The following DPH7 variants were observed in gnomAD, a reference collection of about 807,000 sequenced individuals.
DPH7 encodes the protein diphthamide biosynthesis 7.
DPH7 carries 44 observed loss-of-function variants against 41.7 expected under a neutral mutation model. The ratio of observed to expected loss-of-function variants is 1.05; its 90% CI spans 0.83 to 1.36. DPH7 has a LOEUF of 1.36. Ranked by LOEUF, DPH7 falls within the 40% of genes most tolerant of loss-of-function variation. DPH7 has a pLI of 0.00. For synonymous variants in DPH7, 275 were observed against 238.0 expected, an observed-to-expected ratio of 1.16 and a Z score of -1.43; for missense variants, 629 against 577.5, an observed-to-expected ratio of 1.09 and a Z score of -0.91.
In DPH7 at chr9:137,558,072, G is replaced by A. The variant is rs1448458903; in HGVS notation, c.950-2424C>T. On this transcript the variant is annotated intron_variant, in intron 8 of 8. Coordinates refer to ENST00000277540, the MANE Select transcript of DPH7 (RefSeq NM_138778.5). ...AGTTGCTTGAACCCGGAAGGTGGGA[G>A]TTGCAGTGAGCTGAGATTGTGCCAT... Among the ~76,000 whole-genome samples, 7 of 152,284 alleles carry A rather than the reference G, an allele frequency of 4.6e-5. No individual in the cohort carries two copies. The South Asian group carries it at 1.5e-3, about 32-fold the overall frequency.
At chr9:137,575,626 G>A (rs763466625) in intron 3 of DPH7, 132 of 1,009,526 alleles carry the variant, frequency 1.3e-4, no homozygotes, top group Non-Finnish European at 1.2e-4. Flanking sequence ...TCTCCTCCCC[G>A]ACAGCTATCA....
At chr9:137,578,578 C>T in intron 1 of DPH7, 47 bp downstream of exon 1, 1 of 1,429,700 alleles carries the variant, frequency 7.0e-7, no homozygotes, top group Non-Finnish European at 9.1e-7. Flanking sequence ...CGGCCTCAAC[C>T]TCGTGGCCGG....
Position 137,556,023 on chromosome 9 carries a change from A to G in DPH7, c.950-375T>C, listed in dbSNP as rs1837447075. Among the ~76,000 whole-genome samples the G allele has an allele frequency of 6.6e-6, 1 of 152,222 alleles. No homozygotes were observed. The highest frequency in any genetic ancestry group is 1.5e-5 in the Non-Finnish European group (1 of 68,042). Reference sequence around the variant, plus strand: ...AGGGGATGTCTGAGGAACAGGCAGCATGTGTACAGCAGAGGTGAGAAAGTC... The same window carrying G: ...AGGGGATGTCTGAGGAACAGGCAGCGTGTGTACAGCAGAGGTGAGAAAGTC... On this transcript the variant is annotated intron_variant, in intron 8 of 8. Coordinates refer to ENST00000277540, the MANE Select transcript of DPH7 (RefSeq NM_138778.5). This position sits in a 1 kb window ranked among gnomAD's most constrained non-coding sequence, Gnocchi z 5.2.
chr9:137,578,867 G>T lies in DPH7; in HGVS notation c.-90C>A, dbSNP rs985481765. 4.7e-6 allele frequency: 6 copies of T among 1,282,870 alleles called. No homozygotes were observed. The African/African-American group carries it at 7.8e-5, about 17-fold the overall frequency. The allele number at this position is 1,282,870 out of a possible 1,614,324, so 79.5% of individuals were successfully genotyped here. The stretch of plus-strand genomic sequence containing the variant: ...TGCGCGGGGCGGCGAGGCCGGGGCC[G>T]GCCGGACGAGCGCAGAGCCCCAGGG... On this transcript the variant is annotated 5_prime_UTR_variant, in exon 1 of 9. Coordinates refer to ENST00000277540, the MANE Select transcript of DPH7 (RefSeq NM_138778.5).
intron 8 of DPH7, among the ~76,000 whole-genome samples, chr9:137,563,076 T>C (rs995022102): frequency 7.9e-5 from 12 of 151,516 alleles, no homozygotes; most frequent in African/African-American, 2.9e-4. Context: ...CCCCAGGAGG[T>C]TGAGGCTGCA....
rs531003261 is a variant in DPH7, at chr9:137,571,246, G to C, written c.640+2962C>G. Reference sequence around the variant, plus strand: ...TCTCTCGCCAGGCTGGAGTGCAGTGGTGCGATCTCGGCTCACTGCAACCTC... The same window carrying C: ...TCTCTCGCCAGGCTGGAGTGCAGTGCTGCGATCTCGGCTCACTGCAACCTC... On this transcript the variant is annotated intron_variant, in intron 5 of 8. Transcript: ENST00000277540. Among the ~76,000 whole-genome samples the C allele has an allele frequency of 2.2e-4, 34 of 152,078 alleles. No homozygotes were observed. In the South Asian group the frequency reaches 6.9e-3, roughly 31 times the overall value.
intron 3 of DPH7, chr9:137,575,606 ACATCCCCGTTCTCCT>A: frequency 2.0e-6 from 2 of 1,009,516 alleles, no homozygotes; most frequent in Non-Finnish European, 2.4e-6. Context: ...CCACTACGGG[ACATCCCCGTTCTCCT>A]CCCCGACAGC....
At chr9:137,557,824 A>T (rs1837781343) in intron 8 of DPH7, among the ~76,000 whole-genome samples, 1 of 151,596 alleles carries the variant, frequency 6.6e-6, no homozygotes, top group Non-Finnish European at 1.5e-5. Context: ...GTCTCAAAAA[A>T]ATACATAAAT....
At chr9:137,574,872 G>A (rs1841108525) in intron 3 of DPH7, 29 bp from the exon 4 acceptor site, 2 of 1,612,314 alleles carry the variant, frequency 1.2e-6, no homozygotes, top group African/African-American at 2.7e-5. Context: ...CTCCATCAAA[G>A]GGAAGTAGCC....
In DPH7 at chr9:137,555,333, A is replaced by G; in HGVS notation, c.1265T>C (p.Val422Ala). 6.2e-7 allele frequency: 1 copy of G among 1,614,158 alleles called. No individual in the cohort carries two copies. Among genetic ancestry groups the G allele is most frequent in the Non-Finnish European group, 8.5e-7 (1 of 1,180,024 alleles). ...GGCTGAGTCTGCTTCTTCTGGGTTC[A>G]CGCCACAGTCACGTGTGGTGGCTGC... is the stretch of plus-strand genomic sequence containing the variant. The part of the protein sequence containing the change: ...ATAATTRDCG[V>A]NPEEADSAFS... Residue 422 changes from valine (V) to alanine (A), a missense_variant, in exon 9 of 9, where the codon GTG becomes GCG. By Grantham distance (64) the Val-to-Ala change is moderately conservative. Coordinates refer to ENST00000277540, the MANE Select transcript of DPH7 (RefSeq NM_138778.5).
At chr9:137,578,413 G>T in intron 1 of DPH7, 1 of 475,958 alleles carries the variant, frequency 2.1e-6, no homozygotes, top group South Asian at 3.3e-5. Context: ...TGATCCGTCC[G>T]CCTCGGCCTC....
chr9:137,563,115 A>C (rs1838906467), intron 8 of DPH7, among the ~76,000 whole-genome samples: 1 of 152,240 alleles, frequency 6.6e-6, no homozygotes, highest in South Asian at 2.1e-4. Context: ...ACCACACTCC[A>C]GCCTGGGTGA....
chr9:137,575,768 T>C (rs1841276197), intron 3 of DPH7: 2 of 1,163,016 alleles, frequency 1.7e-6, no homozygotes, highest in African/African-American at 3.1e-5. Context: ...ACTGCTACTC[T>C]GGGCCCCAGC....
chr9:137,578,523 G>A, intron 1 of DPH7, 102 bp downstream of exon 1: 2 of 1,273,790 alleles, frequency 1.6e-6, no homozygotes, highest in South Asian at 1.7e-5. Flanking sequence ...CTGGCCAAAG[G>A]GCCAATATCC....
At chr9:137,576,248 G>A in intron 2 of DPH7, 81 bp from the exon 3 acceptor site, 5 of 1,291,616 alleles carry the variant, frequency 3.9e-6, no homozygotes, top group African/African-American at 1.5e-5. Context: ...CCACAGTCAC[G>A]CTTCCCTTAA....
At chr9:137,578,587 G>C (rs1841857447) in intron 1 of DPH7, 38 bp downstream of exon 1, 1 of 1,433,260 alleles carries the variant, frequency 7.0e-7, no homozygotes, top group South Asian at 1.4e-5. Flanking sequence ...CCTCGTGGCC[G>C]GCCCCGCCCT....
chr9:137,557,422 CTTG>C (rs1222352743), intron 8 of DPH7, among the ~76,000 whole-genome samples: 44 of 152,236 alleles, frequency 2.9e-4, no homozygotes, highest in African/African-American at 1.1e-3. Context: ...AGCATAATTG[CTTG>C]AACGTGGGAG....
chr9:137,571,034 T>C (rs1194522665), intron 5 of DPH7, among the ~76,000 whole-genome samples: 1 of 152,130 alleles, frequency 6.6e-6, no homozygotes, highest in East Asian at 1.9e-4. Context: ...AACTCACACC[T>C]GTAGTCCCAG....
rs372311675 is a variant in DPH7 at position 137,574,305 on chromosome 9, C to T, written c.543G>A (p.Thr181=). ...AGGCCACTTTCTGCAGCCTGGGCCT[C>T]GTCTCATTCACCATCAGGAGGTGGA... ...GQLHLLMVNE[T]RPRLQKVASW... is the part of the protein sequence containing the mutation. The change falls in exon 5 of 9, where the codon ACG becomes ACA. Residue 181 remains threonine, a synonymous_variant. Coordinates refer to ENST00000277540, the MANE Select transcript of DPH7 (RefSeq NM_138778.5). 1.2e-5 allele frequency: 19 copies of T among 1,614,050 alleles called. No individual in the cohort carries two copies. The highest frequency in any genetic ancestry group is 5.3e-5 in the African/African-American group (4 of 74,926).
Sources: allele counts gnomAD v4.1 joint callset (sites outside exome capture counted in the v4.1 genomes callset), GRCh38; gene constraint gnomAD v4.1.1; non-coding constraint Gnocchi (gnomAD v3.1); transcripts MANE v1.5; gene names NCBI Gene and HGNC (gene_info 2026-07-23, HGNC 2026-07-21).